ZNF423: variants seen among roughly 807,000 people sequenced by gnomAD.
The protein encoded by ZNF423 is Ebf-associated zinc finger protein.
In ZNF423, 12 loss-of-function variants were observed where a neutral mutation model predicts 95.8. The ratio of observed to expected loss-of-function variants is 0.13; its 90% CI spans 0.08 to 0.20. The LOEUF (loss-of-function observed/expected upper bound fraction) is 0.20. Ranked by LOEUF, ZNF423 falls within the 10% of genes least tolerant of loss-of-function variation. The probability of loss-of-function intolerance (pLI) is 1.00; values close to 1 mark genes in which losing one functional copy is unlikely to be tolerated. For synonymous variants in ZNF423, 749 were observed against 711.9 expected (o/e 1.05, Z -0.83); for missense variants, 1,316 against 1,737.1 (o/e 0.76, Z 4.31).
At chr16:49,491,552 T>A (rs1596988955) in intron 7 of ZNF423, among the ~76,000 whole-genome samples, 1 of 149,782 alleles carries the variant, frequency 6.7e-6, no homozygotes, top group Non-Finnish European at 1.5e-5. Flanking sequence ...CTTTTTTTTT[T>A]TTTTTTTTTT....
intron 2 of ZNF423, among the ~76,000 whole-genome samples, chr16:49,745,195 T>G (rs2033496444): frequency 6.6e-6 from 1 of 152,242 alleles, no homozygotes. Flanking sequence ...ATGAAATTCC[T>G]CCCTGGCTCT....
intron 3 of ZNF423, among the ~76,000 whole-genome samples, chr16:49,648,393 G>T (rs1435856514): frequency 1.3e-5 from 2 of 152,104 alleles, no homozygotes; most frequent in African/African-American, 4.8e-5. Context: ...TGTAATCCCA[G>T]CACTTTGGGA....
chr16:49,811,342 A>C (rs567889068), intron 1 of ZNF423, among the ~76,000 whole-genome samples: 13 of 152,122 alleles, frequency 8.5e-5, no homozygotes, highest in African/African-American at 3.1e-4. Context: ...GTTGGCCTTG[A>C]TGGGATCTCA....
intron 5 of ZNF423, among the ~76,000 whole-genome samples, chr16:49,533,505 T>C (rs539250635): frequency 3.4e-4 from 52 of 152,352 alleles, no homozygotes; most frequent in African/African-American, 1.2e-3. Flanking sequence ...CTCCAGATGG[T>C]TCCACTGACC....
intron 5 of ZNF423, among the ~76,000 whole-genome samples, chr16:49,609,782 T>C (rs1453408985): frequency 2.0e-5 from 3 of 150,376 alleles, no homozygotes; most frequent in African/African-American, 4.9e-5. Context: ...AAAAGAGTGA[T>C]GGCTGAAAAA....
At chr16:49,534,009 T>A (rs887549077) in intron 5 of ZNF423, among the ~76,000 whole-genome samples, 1 of 151,910 alleles carries the variant, frequency 6.6e-6, no homozygotes, top group East Asian at 1.9e-4. Context: ...AAGGAAAAAA[T>A]TAGCCAGGCA....
At chr16:49,833,974 G>A (rs907139591) in intron 1 of ZNF423, among the ~76,000 whole-genome samples, 1 of 152,188 alleles carries the variant, frequency 6.6e-6, no homozygotes, top group Non-Finnish European at 1.5e-5. Context: ...CAGCTGGGGC[G>A]GGCAGTGGCC....
chr16:49,700,483 G>A (rs571665502), intron 3 of ZNF423, among the ~76,000 whole-genome samples: 14 of 152,282 alleles, frequency 9.2e-5, no homozygotes, highest in African/African-American at 2.6e-4. Flanking sequence ...TGACTGGGGC[G>A]GAGGGGCAGC....
At chr16:49,735,914 A>T (rs1393580426) in intron 2 of ZNF423, among the ~76,000 whole-genome samples, 3 of 152,204 alleles carry the variant, frequency 2.0e-5, no homozygotes, top group African/African-American at 4.8e-5. Context: ...GTACTGTGAG[A>T]AGTAGTAATA....
Position 49,667,525 on chromosome 16 carries a change from G to T in ZNF423, c.302-28651C>A, listed in dbSNP as rs2030601671. Among the ~76,000 whole-genome samples the T allele has an allele frequency of 1.3e-5, 2 of 152,222 alleles. 1 individual carries two copies. The highest frequency in any genetic ancestry group is 4.1e-4 in the South Asian group (2 of 4,838). On this transcript the variant is annotated intron_variant, in intron 3 of 7. Coordinates refer to ENST00000563137, the MANE Select transcript of ZNF423 (RefSeq NM_001379286.1). ...TCAGACCATTATCTTCTGAAGACCT[G>T]CTCTATAGGTATTTACAGCAACACC...
chr16:49,788,385 C>T (rs1440889541), intron 2 of ZNF423, among the ~76,000 whole-genome samples: 1 of 152,228 alleles, frequency 6.6e-6, no homozygotes, highest in Non-Finnish European at 1.5e-5. Context: ...ACTATTAACA[C>T]TTTCTTGTCA....
intron 5 of ZNF423, among the ~76,000 whole-genome samples, chr16:49,541,819 C>T (rs2151738512): frequency 6.6e-6 from 1 of 152,256 alleles, no homozygotes; most frequent in African/African-American, 2.4e-5. Context: ...CTTCTCTTTC[C>T]TGCTGCCATG....
chr16:49,514,209 C>T (rs75006301), intron 7 of ZNF423, among the ~76,000 whole-genome samples: 10,973 of 62,792 alleles, frequency 0.17, 478 homozygotes, highest in South Asian at 0.24. Flanking sequence ...CACACACACA[C>T]ACATGCACAC....
At chr16:49,677,228 A>AAGAGAAGAGAAGAG (rs2031091665) in intron 3 of ZNF423, among the ~76,000 whole-genome samples, 2 of 57,202 alleles carry the variant, frequency 3.5e-5, no homozygotes, top group Non-Finnish European at 6.7e-5. Context: ...AGAAACAAGA[A>AAGAGAAGAGAAGAG]AAGAGAAGAG....
At chr16:49,667,350 G>A (rs1419789759) in intron 3 of ZNF423, among the ~76,000 whole-genome samples, 2 of 152,242 alleles carry the variant, frequency 1.3e-5, no homozygotes, top group African/African-American at 4.8e-5. Context: ...ACAAGAGCTA[G>A]CCATTTGGTG....
At chr16:49,851,188 G>A (rs28571569) in intron 1 of ZNF423, among the ~76,000 whole-genome samples, 23 of 152,278 alleles carry the variant, frequency 1.5e-4, no homozygotes, top group African/African-American at 5.3e-4. Flanking sequence ...AACAGGTGCC[G>A]TTCACTTCAC....
chr16:49,590,029 AATATATATATAT>A (rs201361462), intron 5 of ZNF423, among the ~76,000 whole-genome samples: 1 of 97,538 alleles, frequency 1.0e-5, no homozygotes, highest in African/African-American at 3.7e-5. Context: ...GGAAGTGGCG[AATATATATATAT>A]ATATATATAT....
At chr16:49,714,559 T>C (rs1397171604) in intron 3 of ZNF423, among the ~76,000 whole-genome samples, 1 of 150,352 alleles carries the variant, frequency 6.7e-6, no homozygotes, top group African/African-American at 2.5e-5. Context: ...AGCAGGAAAA[T>C]TGCTTGAGCC....
chr16:49,572,442 A>G (rs530366789), intron 5 of ZNF423, among the ~76,000 whole-genome samples: 7 of 152,200 alleles, frequency 4.6e-5, no homozygotes. Context: ...TGCCAAAAAC[A>G]GTCTGGAAAC....
Sources: allele counts gnomAD v4.1 joint callset (sites outside exome capture counted in the v4.1 genomes callset), GRCh38; gene constraint gnomAD v4.1.1; transcripts MANE v1.5; gene names NCBI Gene and HGNC (gene_info 2026-07-23, HGNC 2026-07-21).